The following PAG1 variants were observed in gnomAD, a reference collection of about 807,000 sequenced individuals.
PAG1 encodes the protein phosphoprotein membrane anchor with glycosphingolipid microdomains 1.
PAG1 carries 23 observed loss-of-function variants against 31.7 expected under a neutral mutation model. That is an observed-to-expected ratio of 0.73 (90% CI 0.52 to 1.03). PAG1 has a LOEUF of 1.03. Ranked by LOEUF, PAG1 falls within the 50% of genes least tolerant of loss-of-function variation. The probability of loss-of-function intolerance (pLI) is 0.00; values close to 1 mark genes in which losing one functional copy is unlikely to be tolerated. For synonymous variants in PAG1, 214 were observed against 210.3 expected (o/e 1.02, Z -0.15); for missense variants, 473 against 540.7 (o/e 0.87, Z 1.24).
chr8:81,024,236 C>T (rs1422716578), intron 3 of PAG1, among the ~76,000 whole-genome samples: 2 of 152,200 alleles, frequency 1.3e-5, no homozygotes, highest in Non-Finnish European at 2.9e-5. Context: ...GACAGCTTTG[C>T]ATCGCTGTGA....
At chr8:80,999,066 C>A (rs1326838323) in intron 3 of PAG1, among the ~76,000 whole-genome samples, 1 of 152,180 alleles carries the variant, frequency 6.6e-6, no homozygotes, top group African/African-American at 2.4e-5. Context: ...GACAGCTGCA[C>A]AGGCTAAGAT....
At chr8:81,001,781 T>G (rs917791384) in intron 3 of PAG1, among the ~76,000 whole-genome samples, 1 of 152,308 alleles carries the variant, frequency 6.6e-6, no homozygotes. Context: ...TTTAGGGTCA[T>G]GCAGCTACAG....
chr8:81,028,178 A>C (rs1011309029), intron 3 of PAG1, among the ~76,000 whole-genome samples: 2 of 152,206 alleles, frequency 1.3e-5, no homozygotes, highest in African/African-American at 4.8e-5. Flanking sequence ...TAGCCTCAAG[A>C]AGCAGAAATG....
intron 3 of PAG1, among the ~76,000 whole-genome samples, chr8:81,015,814 G>A (rs781280473): frequency 5.3e-5 from 8 of 152,228 alleles, no homozygotes; most frequent in Middle Eastern, 3.4e-3. Flanking sequence ...TTCTTGCAAC[G>A]TGACTTTGGA....
chr8:81,070,659 A>C (rs1014812917), intron 1 of PAG1, among the ~76,000 whole-genome samples: 21 of 145,922 alleles, frequency 1.4e-4, no homozygotes, highest in South Asian at 4.2e-4. Flanking sequence ...TTTCAGCACA[A>C]AAAAAAAAAG....
intron 2 of PAG1, among the ~76,000 whole-genome samples, chr8:81,042,382 A>C (rs1007973566): frequency 5.9e-5 from 9 of 152,190 alleles, no homozygotes; most frequent in African/African-American, 2.2e-4. Context: ...ATAAAAGCTG[A>C]TTTGGAAATA....
At chr8:81,085,972 GTTT>G (rs869177030) in intron 1 of PAG1, among the ~76,000 whole-genome samples, 13 of 58,904 alleles carry the variant, frequency 2.2e-4, no homozygotes, top group African/African-American at 8.0e-4. Context: ...AATCTGGCTT[GTTT>G]TTTTTTTTTT....
At chr8:81,104,386 C>CTT (rs34291180) in intron 1 of PAG1, among the ~76,000 whole-genome samples, 2 of 138,232 alleles carry the variant, frequency 1.4e-5, no homozygotes, top group Non-Finnish European at 3.1e-5. Flanking sequence ...GGCCTTCGTC[C>CTT]TTTTTTTTTT....
At chr8:81,073,221 G>A (rs777129761) in intron 1 of PAG1, among the ~76,000 whole-genome samples, 3 of 152,128 alleles carry the variant, frequency 2.0e-5, no homozygotes, top group Non-Finnish European at 2.9e-5. Flanking sequence ...AGCGAATTAG[G>A]CATATTTAGC....
chr8:81,058,634 T>C (rs1808866922), intron 2 of PAG1: 1 of 152,022 alleles, frequency 6.6e-6, no homozygotes, highest in African/African-American at 2.4e-5. Context: ...TGGTGGCTCA[T>C]GCCTGTAATC....
intron 2 of PAG1, among the ~76,000 whole-genome samples, chr8:81,054,731 C>G (rs1212022784): frequency 6.6e-6 from 1 of 152,018 alleles, no homozygotes; most frequent in Non-Finnish European, 1.5e-5. Context: ...GAATGAGATA[C>G]TATTATCTGT....
chr8:80,993,086 T>C lies in PAG1; in HGVS notation c.125+17A>G. On this transcript the variant is annotated intron_variant, in intron 4 of 8. Transcript: ENST00000220597. ...TGTATTAGTTTAAGGCACAGGTATA[T>C]ACACTCTGGTTCTCACCTGTCACAA... is the stretch of plus-strand genomic sequence containing the variant. The C allele has an allele frequency of 2.5e-6, 4 of 1,611,068 alleles. No homozygotes were observed. The highest frequency in any genetic ancestry group is 3.4e-6 in the Non-Finnish European group (4 of 1,178,274).
At chr8:81,017,144 G>A (rs1245100905) in intron 3 of PAG1, among the ~76,000 whole-genome samples, 1 of 152,164 alleles carries the variant, frequency 6.6e-6, no homozygotes, top group Non-Finnish European at 1.5e-5. Context: ...AAGCCACTAA[G>A]GTTGTTATGA....
At chr8:81,022,975 T>C (rs1253929051) in intron 3 of PAG1, among the ~76,000 whole-genome samples, 1 of 152,194 alleles carries the variant, frequency 6.6e-6, no homozygotes, top group Non-Finnish European at 1.5e-5. Context: ...TCTCTTTAAA[T>C]TGGATACAAA....
At chr8:81,004,032 C>T (rs1807832325) in intron 3 of PAG1, among the ~76,000 whole-genome samples, 1 of 152,184 alleles carries the variant, frequency 6.6e-6, no homozygotes, top group Non-Finnish European at 1.5e-5. Flanking sequence ...GCAGGGCTGA[C>T]TTACAAGTCT....
At chr8:81,090,015 TAGTTCTATAA>T (rs2131059589) in intron 1 of PAG1, among the ~76,000 whole-genome samples, 1 of 152,342 alleles carries the variant, frequency 6.6e-6, no homozygotes, top group African/African-American at 2.4e-5. Context: ...TGCATTTCAA[TAGTTCTATAA>T]TTCTCTTCAC....
At chr8:81,059,654 A>G (rs1162058948) in intron 2 of PAG1, among the ~76,000 whole-genome samples, 1 of 152,158 alleles carries the variant, frequency 6.6e-6, no homozygotes, top group African/African-American at 2.4e-5. Context: ...TTCTCGAAGG[A>G]GTCTATTATC....
chr8:81,054,581 C>A (rs1041161914), intron 2 of PAG1, among the ~76,000 whole-genome samples: 1 of 151,912 alleles, frequency 6.6e-6, no homozygotes, highest in African/African-American at 2.4e-5. Flanking sequence ...GAGGCTGAGG[C>A]AAGAGAGTGG....
chr8:81,077,213 A>G (rs964790502), intron 1 of PAG1, among the ~76,000 whole-genome samples: 2 of 152,360 alleles, frequency 1.3e-5, no homozygotes, highest in East Asian at 1.9e-4. Context: ...CAGGATGTAC[A>G]TTAAAGTCTA....
Sources: allele counts gnomAD v4.1 joint callset (sites outside exome capture counted in the v4.1 genomes callset), GRCh38; gene constraint gnomAD v4.1.1; transcripts MANE v1.5; gene names NCBI Gene and HGNC (gene_info 2026-07-23, HGNC 2026-07-21).